Variants in NTM observed in about 807,000 individuals in gnomAD.
The protein encoded by NTM is IgLON family member 2.
NTM carries 13 observed loss-of-function variants against 42.1 expected under a neutral mutation model. That is an observed-to-expected ratio of 0.31 (90% CI 0.20 to 0.49). NTM has a LOEUF of 0.49. Among genes scored for constraint, NTM ranks in the 20% least tolerant of loss-of-function variants. The pLI is 0.99. For missense variants in NTM, 373 were observed against 452.8 expected (o/e 0.82, Z 1.60); for synonymous variants, 187 against 179.2 (o/e 1.04, Z -0.35).
intron 2 of NTM, among the ~76,000 whole-genome samples, chr11:131,945,171 C>T (rs2134265550): frequency 6.6e-6 from 1 of 152,298 alleles, no homozygotes; most frequent in Middle Eastern, 3.4e-3. Flanking sequence ...AAGTCAAGTC[C>T]AATTTTTAGC....
intron 8 of NTM, chr11:132,332,800 G>C (rs2095825166): frequency 6.6e-6 from 1 of 152,238 alleles, no homozygotes; most frequent in African/African-American, 2.4e-5. Flanking sequence ...TGAACACCTG[G>C]CTGTGGCATT....
chr11:132,018,323 AT>A (rs1479771551), intron 2 of NTM, among the ~76,000 whole-genome samples: 1 of 151,966 alleles, frequency 6.6e-6, no homozygotes, highest in Non-Finnish European at 1.5e-5. Context: ...GGGGGAAAAC[AT>A]TTAGTCTTTC....
chr11:131,584,347 A>C (rs765211028), intron 1 of NTM, among the ~76,000 whole-genome samples: 30 of 152,328 alleles, frequency 2.0e-4, no homozygotes, highest in Non-Finnish European at 3.4e-4. Context: ...TTTATATCCC[A>C]GGATCGCAGA....
intron 1 of NTM, among the ~76,000 whole-genome samples, chr11:131,827,019 T>A (rs1268014222): frequency 6.6e-6 from 1 of 152,154 alleles, no homozygotes; most frequent in Non-Finnish European, 1.5e-5. Flanking sequence ...AATTCATTTA[T>A]TCATGCATGT....
At chr11:132,198,896 A>G (rs931165649) in intron 3 of NTM, among the ~76,000 whole-genome samples, 6 of 152,228 alleles carry the variant, frequency 3.9e-5, no homozygotes, top group African/African-American at 1.4e-4. Flanking sequence ...AGTATCAGCC[A>G]TCCAGCCAAT....
intron 1 of NTM, 131 bp downstream of exon 1, chr11:131,371,019 T>C (rs1941095915): frequency 6.7e-7 from 1 of 1,487,806 alleles, no homozygotes; most frequent in African/African-American, 1.4e-5. Context: ...TTAGACAGCA[T>C]GGCTGGGACT....
rs1417002206 is a variant in NTM at position 132,002,227 on chromosome 11, CT to C, written c.167+90581del. Among the ~76,000 whole-genome samples, 3 of 152,118 alleles carry C rather than the reference CT, an allele frequency of 2.0e-5. No individual in the cohort carries two copies. Among genetic ancestry groups the C allele is most frequent in the African/African-American group, 4.8e-5 (2 of 41,430 alleles). ...CTGAAGGTTTTGAATAGGGAAGTGACTTGGTATTTGGCTGGACTTGTCTTGT... is the reference window on the plus strand; with the variant it reads ...CTGAAGGTTTTGAATAGGGAAGTGACTGGTATTTGGCTGGACTTGTCTTGT... On this transcript the variant is annotated intron_variant, in intron 2 of 8. Transcript: ENST00000683400. The surrounding 1 kb of genome is among the most constrained non-coding windows in gnomAD (Gnocchi z 4.5).
chr11:131,561,835 G>C (rs2056275003), intron 1 of NTM, among the ~76,000 whole-genome samples: 1 of 152,090 alleles, frequency 6.6e-6, no homozygotes, highest in South Asian at 2.1e-4. Flanking sequence ...CCTCATCTAT[G>C]AAATCAGGCA....
At chr11:131,799,332 G>A (rs1237587979) in intron 1 of NTM, among the ~76,000 whole-genome samples, 1 of 152,170 alleles carries the variant, frequency 6.6e-6, no homozygotes, top group African/African-American at 2.4e-5. Flanking sequence ...TGGATGTCTA[G>A]CTCCTGGGAC....
chr11:131,534,694 A>C (rs990109943), intron 1 of NTM: 1 of 152,240 alleles, frequency 6.6e-6, no homozygotes, highest in Admixed American at 6.5e-5. Context: ...AAACTTTTCT[A>C]ACCGTCACAT....
chr11:131,774,134 C>A (rs1192107434), intron 1 of NTM: 1 of 984,766 alleles, frequency 1.0e-6, no homozygotes, highest in East Asian at 1.1e-4. Context: ...TCAGCGAATT[C>A]TTCATAAATG....
intron 2 of NTM, among the ~76,000 whole-genome samples, chr11:132,089,402 CT>C (rs2060128074): frequency 6.6e-6 from 1 of 152,204 alleles, no homozygotes; most frequent in African/African-American, 2.4e-5. Context: ...CTGCTTTTGT[CT>C]GTAGCTTATG....
At chr11:131,437,695 G>C (rs1949265600) in intron 1 of NTM, among the ~76,000 whole-genome samples, 1 of 152,098 alleles carries the variant, frequency 6.6e-6, no homozygotes, top group South Asian at 2.1e-4. Flanking sequence ...ATGTGAGATG[G>C]GTCTCCTGAA....
intron 1 of NTM, among the ~76,000 whole-genome samples, chr11:131,746,252 C>T (rs527731736): frequency 1.6e-4 from 25 of 152,284 alleles, no homozygotes; most frequent in Non-Finnish European, 3.4e-4. Context: ...CCTGTGGCAA[C>T]CATCAGGGAC....
chr11:131,624,721 C>T (rs954336941), intron 1 of NTM, among the ~76,000 whole-genome samples: 2 of 152,202 alleles, frequency 1.3e-5, no homozygotes, highest in African/African-American at 2.4e-5. Flanking sequence ...CCCATCCACG[C>T]TAATCACGGA....
intron 3 of NTM, among the ~76,000 whole-genome samples, chr11:132,148,747 A>G (rs2071167611): frequency 6.6e-6 from 1 of 152,202 alleles, no homozygotes; most frequent in Admixed American, 6.5e-5. Context: ...GCAAATGGCT[A>G]GAATTAGAGC....
At chr11:131,633,948 A>T (rs2064042799) in intron 1 of NTM, among the ~76,000 whole-genome samples, 1 of 152,118 alleles carries the variant, frequency 6.6e-6, no homozygotes, top group Non-Finnish European at 1.5e-5. Context: ...TATTACGCTC[A>T]GACAATGCAT....
chr11:131,886,138 T>C (rs1216311872), intron 1 of NTM, among the ~76,000 whole-genome samples: 1 of 152,238 alleles, frequency 6.6e-6, no homozygotes, highest in Non-Finnish European at 1.5e-5. Context: ...CAAGGCTCAG[T>C]GAAGCCAGTG....
intron 1 of NTM, among the ~76,000 whole-genome samples, chr11:131,722,092 GT>G (rs2078429953): frequency 6.7e-6 from 1 of 149,316 alleles, no homozygotes; most frequent in Admixed American, 6.7e-5. Context: ...AATAATGCTT[GT>G]AAAGCAACAA....
Sources: allele counts gnomAD v4.1 joint callset (sites outside exome capture counted in the v4.1 genomes callset), GRCh38; gene constraint gnomAD v4.1.1; non-coding constraint Gnocchi (gnomAD v3.1); transcripts MANE v1.5; gene names NCBI Gene and HGNC (gene_info 2026-07-23, HGNC 2026-07-21).